EPOR: variants seen among roughly 807,000 people sequenced by gnomAD.
EPOR encodes erythropoietin receptor.
Under a neutral mutation model 34.3 loss-of-function variants are expected in EPOR, and 20 were observed. The observed-to-expected ratio is 0.58, with a 90% CI of 0.41 to 0.85. The LOEUF (loss-of-function observed/expected upper bound fraction) is 0.85. Among genes scored for constraint, EPOR ranks in the 40% least tolerant of loss-of-function variants. The pLI is 0.00. For missense variants in EPOR, 601 were observed against 672.7 expected, an observed-to-expected ratio of 0.89 and a Z score of 1.18; for synonymous variants, 312 against 299.0, an observed-to-expected ratio of 1.04 and a Z score of -0.45.
chr19:11,377,996 C>A lies in EPOR; in HGVS notation c.1515G>T (p.Val505=). 1 of 1,614,096 alleles carries A rather than the reference C, an allele frequency of 6.2e-7. No individual in the cohort carries two copies. The highest frequency in any genetic ancestry group is 8.5e-7 in the Non-Finnish European group (1 of 1,180,030). ...PAAEPLPPSY[V]ACS is the part of the protein sequence containing the mutation. Reference sequence around the variant, plus strand: ...GCAGCCTGGTGTCCTAAGAGCAAGCCACATAGCTGGGGGGCAGAGGCTCAG... The same window carrying A: ...GCAGCCTGGTGTCCTAAGAGCAAGCAACATAGCTGGGGGGCAGAGGCTCAG... Residue 505 remains valine, a synonymous_variant, in exon 8 of 8, where the codon GTG becomes GTT. Coordinates refer to ENST00000222139, the MANE Select transcript of EPOR (RefSeq NM_000121.4).
At chr19:11,382,743 C>T in intron 2 of EPOR, 1 of 1,105,346 alleles carries the variant, frequency 9.0e-7, no homozygotes, top group Non-Finnish European at 1.2e-6. Context: ...GTTCTTCCGC[C>T]TCGACCTTCC....
Position 11,381,033 on chromosome 19 carries a change from T to G in EPOR, c.739+23A>C. The G allele has an allele frequency of 3.1e-6, 5 of 1,588,180 alleles. No homozygotes were observed. The highest frequency in any genetic ancestry group is 1.7e-6 in the Non-Finnish European group (2 of 1,166,932). On this transcript the variant is annotated intron_variant, in intron 5 of 7. Transcript: ENST00000222139. This position sits in a 1 kb window ranked among gnomAD's most constrained non-coding sequence, Gnocchi z 5.3. Reference sequence around the variant, plus strand: ...CCCCGTGATTCGCCCTGGCTCCTCCTACACCCCCGCCTGGGGCCTCACCGC... The same window carrying G: ...CCCCGTGATTCGCCCTGGCTCCTCCGACACCCCCGCCTGGGGCCTCACCGC...
chr19:11,382,872 C>T (rs1039420494), intron 2 of EPOR: 12 of 1,517,750 alleles, frequency 7.9e-6, no homozygotes, highest in African/African-American at 1.4e-5. Flanking sequence ...GTTGTTATCC[C>T]AGCCTGATGT....
rs2144698231 is a variant in EPOR, at chr19:11,381,775, G to A, written c.502C>T (p.Pro168Ser). 2 of 1,613,544 alleles carry A rather than the reference G, an allele frequency of 1.2e-6. No homozygotes were observed. The highest frequency in any genetic ancestry group is 4.5e-5 in the East Asian group (2 of 44,874). Residue 168 changes from proline to serine, a missense_variant, in exon 4 of 8, where the codon CCG (proline) becomes TCG (serine). Pro to Ser is a moderately conservative substitution (Grantham distance 74). Transcript: ENST00000222139. This position sits in a 1 kb window ranked among gnomAD's most constrained non-coding sequence, Gnocchi z 5.3. ...ESGHVVLRWL[P>S]PPETPMTSHI... ...GACGTCATGGGTGTCTCAGGCGGCG[G>A]GAGCCAGCGCAACACTACGTGGCCG...
Position 11,381,063 on chromosome 19 carries a change from C to G in EPOR, c.732G>C (p.Thr244=). The change falls in exon 5 of 8, where the codon ACG becomes ACC. Residue 244 remains threonine, a synonymous_variant. Coordinates refer to ENST00000222139, the MANE Select transcript of EPOR (RefSeq NM_000121.4). The surrounding 1 kb of genome is among the most constrained non-coding windows in gnomAD (Gnocchi z 5.3). ...CCCCGCCTGGGGCCTCACCGCTAGG[C>G]GTCAGCAGCGACACAGGCTCCGACC... The part of the protein sequence containing the change: ...SAWSEPVSLL[T]PSDLDPLILT... The G allele has an allele frequency of 6.2e-7, 1 of 1,601,626 alleles. No individual in the cohort carries two copies. The highest frequency in any genetic ancestry group is 1.7e-5 in the Admixed American group (1 of 58,648).
Position 11,383,079 on chromosome 19 carries a change from C to G in EPOR, c.251+18G>C. On this transcript the variant is annotated intron_variant, in intron 2 of 7. Transcript: ENST00000222139. This position sits in a 1 kb window ranked among gnomAD's most constrained non-coding sequence, Gnocchi z 4.9. ...CCCCTCCCTCCGCCCTTGGAGGCAC[C>G]CGCCGGATCGGACTCACTCGAGCTG... 1 of 1,613,312 alleles carries G rather than the reference C, an allele frequency of 6.2e-7. No homozygotes were observed. The highest frequency in any genetic ancestry group is 8.5e-7 in the Non-Finnish European group (1 of 1,179,834).
chr19:11,378,746 G>A lies in EPOR; in HGVS notation c.860C>T (p.Pro287Leu), dbSNP rs139756642. The change falls in exon 7 of 8, where the codon CCG (proline) becomes CTG (leucine). Residue 287 changes from proline to leucine, a missense_variant. Coordinates refer to ENST00000222139, the MANE Select transcript of EPOR (RefSeq NM_000121.4). This position sits in a 1 kb window ranked among gnomAD's most constrained non-coding sequence, Gnocchi z 5.3. ...ALKQKIWPGI[P>L]SPESEFEGLF... is the part of the protein sequence containing the mutation. ...GCCTTCAAACTCGCTCTCTGGGCTC[G>A]GGATGCCAGGCCAGATCTTCTGCTT... The A allele has an allele frequency of 3.9e-5, 63 of 1,614,056 alleles. No homozygotes were observed. The highest frequency in any genetic ancestry group is 5.1e-5 in the Non-Finnish European group (60 of 1,180,044).
Position 11,381,540 on chromosome 19 carries a change from C to G in EPOR, c.585+152G>C. On this transcript the variant is annotated intron_variant, in intron 4 of 7. Transcript: ENST00000222139. The surrounding 1 kb of genome is among the most constrained non-coding windows in gnomAD (Gnocchi z 5.3). Reference sequence around the variant, plus strand: ...GAGGACATTAGGAAAGGGGGTGTGTCTGTGGGCGTGGAACGGTCTTCAGCA... The same window carrying G: ...GAGGACATTAGGAAAGGGGGTGTGTGTGTGGGCGTGGAACGGTCTTCAGCA... 1 of 807,240 alleles carries G rather than the reference C, an allele frequency of 1.2e-6. No individual in the cohort carries two copies. Among genetic ancestry groups the G allele is most frequent in the Non-Finnish European group, 1.9e-6 (1 of 514,776 alleles). The allele number at this position is 807,240 out of a possible 1,614,324, so 50.0% of individuals were successfully genotyped here.
chr19:11,381,392 G>A lies in EPOR; in HGVS notation c.586-183C>T. 3 of 728,700 alleles carry A rather than the reference G, an allele frequency of 4.1e-6. No homozygotes were observed. Among genetic ancestry groups the A allele is most frequent in the South Asian group, 1.7e-5 (1 of 57,244 alleles). 45.1% of individuals were successfully genotyped at this position (728,700 alleles called of 1,614,324 possible). Reference sequence around the variant, plus strand: ...GGGCCAATCAGAGAGAGAGTCTCTGGTACGAAAGGGCGGGACCCGGGCAAT... The same window carrying A: ...GGGCCAATCAGAGAGAGAGTCTCTGATACGAAAGGGCGGGACCCGGGCAAT... On this transcript the variant is annotated intron_variant, in intron 4 of 7. Transcript: ENST00000222139. This position sits in a 1 kb window ranked among gnomAD's most constrained non-coding sequence, Gnocchi z 5.3.
chr19:11,381,728 G>A lies in EPOR; in HGVS notation c.549C>T (p.Asp183=), dbSNP rs1417089817. Residue 183 remains aspartate, a synonymous_variant, in exon 4 of 8, where the codon GAC becomes GAT. Transcript: ENST00000222139. This position sits in a 1 kb window ranked among gnomAD's most constrained non-coding sequence, Gnocchi z 5.3. ...PMTSHIRYEV[D]VSAGNGAGSV... ...TCCCTGCGCCGTTGCCGGCCGAGAC[G>A]TCCACCTCGTAGCGGATGTGAGACG... is the stretch of plus-strand genomic sequence containing the variant. The A allele has an allele frequency of 1.9e-6, 3 of 1,611,994 alleles. No individual in the cohort carries two copies. The highest frequency in any genetic ancestry group is 2.7e-5 in the African/African-American group (2 of 74,888).
chr19:11,383,280 T>G lies in EPOR; in HGVS notation c.116-48A>C, dbSNP rs770113276. On this transcript the variant is annotated intron_variant, in intron 1 of 7. Transcript: ENST00000222139. This position sits in a 1 kb window ranked among gnomAD's most constrained non-coding sequence, Gnocchi z 4.9. ...GGGCATGGGGGTCTGAGCTCTATCC[T>G]CGGGAGACAGCCCCCTCCTCTTCCC... 2.6e-6 allele frequency: 4 copies of G among 1,518,950 alleles called. No individual in the cohort carries two copies. In the Admixed American group the frequency reaches 8.0e-5, roughly 30 times the overall value. The allele number at this position is 1,518,950 out of a possible 1,614,324, so 94.1% of individuals were successfully genotyped here.
rs562676037 is a variant in EPOR at position 11,381,554 on chromosome 19, C to T, written c.585+138G>A. On this transcript the variant is annotated intron_variant, in intron 4 of 7. Coordinates refer to ENST00000222139, the MANE Select transcript of EPOR (RefSeq NM_000121.4). This position sits in a 1 kb window ranked among gnomAD's most constrained non-coding sequence, Gnocchi z 5.3. ...AGGGGGTGTGTCTGTGGGCGTGGAACGGTCTTCAGCACCAGGGTAATGGGA... is the reference window on the plus strand; with the variant it reads ...AGGGGGTGTGTCTGTGGGCGTGGAATGGTCTTCAGCACCAGGGTAATGGGA... The T allele has an allele frequency of 5.6e-6, 5 of 887,528 alleles. No homozygotes were observed. Among genetic ancestry groups the T allele is most frequent in the African/African-American group, 3.3e-5 (2 of 59,798 alleles). 55.0% of individuals were successfully genotyped at this position (887,528 alleles called of 1,614,324 possible).
At chr19:11,382,973 G>T in intron 2 of EPOR, 124 bp downstream of exon 2, 1 of 1,583,922 alleles carries the variant, frequency 6.3e-7, no homozygotes, top group Non-Finnish European at 8.5e-7. Context: ...TTTCCCTCCA[G>T]TGACCACGAC....
Position 11,378,124 on chromosome 19 carries a change from C to T in EPOR, c.1387G>A (p.Gly463Ser). Residue 463 changes from glycine to serine, a missense_variant, in exon 8 of 8, where the codon GGC becomes AGC. By Grantham distance (56) the Gly-to-Ser change is moderately conservative. Coordinates refer to ENST00000222139, the MANE Select transcript of EPOR (RefSeq NM_000121.4). This position sits in a 1 kb window ranked among gnomAD's most constrained non-coding sequence, Gnocchi z 5.3. ...CCTGAGCTGTAGTCAGTTGAGATGC[C>T]AGAGTCAGATACCACAAGGTACAGG... ...KYLYLVVSDS[G>S]ISTDYSSGDS... 1 of 1,614,034 alleles carries T rather than the reference C, an allele frequency of 6.2e-7. No individual in the cohort carries two copies. Among genetic ancestry groups the T allele is most frequent in the Non-Finnish European group, 8.5e-7 (1 of 1,180,000 alleles).
rs746771835 is a variant in EPOR, at chr19:11,377,931, T to C, written c.*53A>G. On this transcript the variant is annotated 3_prime_UTR_variant, in exon 8 of 8. Transcript: ENST00000222139. The stretch of plus-strand genomic sequence containing the variant: ...ATCCCTGTTCCATAAGTCTTGAGTC[T>C]GCACTGGTTCTCTGAGTCATATTGG... 1 of 1,610,856 alleles carries C rather than the reference T, an allele frequency of 6.2e-7. No individual in the cohort carries two copies. Among genetic ancestry groups the C allele is most frequent in the Non-Finnish European group, 8.5e-7 (1 of 1,178,680 alleles).
At position 11,381,914 on chromosome 19, in the gene EPOR, T is replaced by C. The variant is rs1251078576; in HGVS notation, c.427+16A>G. 1.2e-6 allele frequency: 2 copies of C among 1,614,206 alleles called. No homozygotes were observed. Among genetic ancestry groups the C allele is most frequent in the Non-Finnish European group, 1.7e-6 (2 of 1,180,020 alleles). ...ACCCTCTCCTCCGACCACTCCTCCA[T>C]TCCCAGAGCACTTACCTACTTCATT... On this transcript the variant is annotated intron_variant, in intron 3 of 7. Transcript: ENST00000222139. This position sits in a 1 kb window ranked among gnomAD's most constrained non-coding sequence, Gnocchi z 5.3.
In EPOR at chr19:11,377,442, G is replaced by C. The variant is rs1369712969; in HGVS notation, c.*542C>G. 1 of 454,072 alleles carries C rather than the reference G, an allele frequency of 2.2e-6. No individual in the cohort carries two copies. Among genetic ancestry groups the C allele is most frequent in the Non-Finnish European group, 4.4e-6 (1 of 226,798 alleles). The allele number at this position is 454,072 out of a possible 1,614,324, so 28.1% of individuals were successfully genotyped here. Reference sequence around the variant, plus strand: ...TTGCTGCCCTTTTTCTTCCCTTGCTGACTGGCAGTTTGTAGAACAGGGGAT... The same window carrying C: ...TTGCTGCCCTTTTTCTTCCCTTGCTCACTGGCAGTTTGTAGAACAGGGGAT... On this transcript the variant is annotated 3_prime_UTR_variant, in exon 8 of 8. Coordinates refer to ENST00000222139, the MANE Select transcript of EPOR (RefSeq NM_000121.4).
intron 2 of EPOR, chr19:11,382,871 C>A: frequency 6.6e-7 from 1 of 1,516,768 alleles, no homozygotes; most frequent in Non-Finnish European, 8.8e-7. Flanking sequence ...CGTTGTTATC[C>A]CAGCCTGATG....
Position 11,381,886 on chromosome 19 carries a change from G to A in EPOR, c.428-37C>T, listed in dbSNP as rs761682694. 1 of 1,614,204 alleles carries A rather than the reference G, an allele frequency of 6.2e-7. No homozygotes were observed. Among genetic ancestry groups the A allele is most frequent in the South Asian group, 1.1e-5 (1 of 91,084 alleles). The stretch of plus-strand genomic sequence containing the variant: ...GGGGTTGGTCAGGTGGGCGAGGACT[G>A]AGACCCTCTCCTCCGACCACTCCTC... On this transcript the variant is annotated intron_variant, in intron 3 of 7. Coordinates refer to ENST00000222139, the MANE Select transcript of EPOR (RefSeq NM_000121.4). This position sits in a 1 kb window ranked among gnomAD's most constrained non-coding sequence, Gnocchi z 5.3.
Sources: gnomAD v4.1 joint callset for allele counts on GRCh38, gnomAD v4.1.1 for gene constraint, Gnocchi (gnomAD v3.1) non-coding constraint, MANE v1.5 for transcripts, NCBI Gene and HGNC (gene_info 2026-07-23, HGNC 2026-07-21) for gene names.